KIAA0825: variants seen among roughly 807,000 people sequenced by gnomAD.
The protein encoded by KIAA0825 is KIAA0825, also known as uncharacterized protein KIAA0825.
KIAA0825 carries 119 observed loss-of-function variants against 147.6 expected under a neutral mutation model. The observed-to-expected ratio is 0.81, with a 90% CI of 0.69 to 0.94. KIAA0825 has a LOEUF of 0.94. Among genes scored for constraint, KIAA0825 ranks in the 40% least tolerant of loss-of-function variants. KIAA0825 has a pLI of 0.00. For missense variants in KIAA0825, 1,381 were observed against 1,472.7 expected (o/e 0.94, Z 1.02); for synonymous variants, 470 against 518.1 (o/e 0.91, Z 1.26).
intron 15 of KIAA0825, chr5:94,416,340 G>T (rs1753456993): frequency 6.6e-6 from 1 of 152,130 alleles, no homozygotes; most frequent in Admixed American, 6.6e-5. Context: ...AGTCTGGGAG[G>T]AGTGAAACCA....
intron 6 of KIAA0825, among the ~76,000 whole-genome samples, chr5:94,482,988 T>A (rs1446959239): frequency 6.6e-6 from 1 of 152,044 alleles, no homozygotes; most frequent in Non-Finnish European, 1.5e-5. Flanking sequence ...GCAAATTATG[T>A]ATTTGCTCTG....
chr5:94,448,680 C>G (rs1408499183), intron 13 of KIAA0825, among the ~76,000 whole-genome samples: 1 of 152,046 alleles, frequency 6.6e-6, no homozygotes, highest in African/African-American at 2.4e-5. Flanking sequence ...TCATCCAATT[C>G]CTGTATTTCC....
At chr5:94,615,315 A>G (rs981502904) in intron 1 of KIAA0825, among the ~76,000 whole-genome samples, 20 of 152,318 alleles carry the variant, frequency 1.3e-4, no homozygotes, top group Non-Finnish European at 2.8e-4. Flanking sequence ...TCAAACTCCT[A>G]TATGTTATAG....
At chr5:94,432,583 A>ACC (rs1424072840) in intron 14 of KIAA0825, among the ~76,000 whole-genome samples, 2 of 147,396 alleles carry the variant, frequency 1.4e-5, no homozygotes, top group Non-Finnish European at 3.0e-5. Context: ...TTAGTAAAGA[A>ACC]AGTGACAAAA....
chr5:94,537,312 T>G (rs1304827403), intron 2 of KIAA0825, among the ~76,000 whole-genome samples, 185 bp from the exon 3 acceptor site: 2 of 152,310 alleles, frequency 1.3e-5, no homozygotes, highest in Non-Finnish European at 2.9e-5. Flanking sequence ...TGTTTCATTA[T>G]TTAAATTTCA....
intron 5 of KIAA0825, chr5:94,519,307 A>G: frequency 1.1e-6 from 1 of 904,970 alleles, no homozygotes; most frequent in Non-Finnish European, 1.3e-6. Context: ...AAAGATCCAT[A>G]ATTCACCAAA....
At chr5:94,495,324 T>C (rs1202747175) in intron 5 of KIAA0825, among the ~76,000 whole-genome samples, 1 of 152,170 alleles carries the variant, frequency 6.6e-6, no homozygotes, top group Non-Finnish European at 1.5e-5. Flanking sequence ...TCCTAAACAA[T>C]AGTTATTCAG....
chr5:94,404,691 T>C (rs1169231023), intron 15 of KIAA0825, among the ~76,000 whole-genome samples: 2 of 152,208 alleles, frequency 1.3e-5, no homozygotes, highest in East Asian at 3.8e-4. Flanking sequence ...CAAATGATAA[T>C]AATTTTTATT....
At position 94,545,810 on chromosome 5, in the gene KIAA0825, C is replaced by A. The variant is rs140909679; in HGVS notation, c.-1-8683G>T. Among the ~76,000 whole-genome samples the A allele has an allele frequency of 2.1e-3, 314 of 152,328 alleles. 2 individuals carry two copies. Among genetic ancestry groups the A allele is most frequent in the African/African-American group, 7.3e-3 (305 of 41,574 alleles). Reference sequence around the variant, plus strand: ...CAGCTGTGATGACTATGGTGAAAGACTCCTGCTTGAGAAAAACAGGGGGAA... The same window carrying A: ...CAGCTGTGATGACTATGGTGAAAGAATCCTGCTTGAGAAAAACAGGGGGAA... On this transcript the variant is annotated intron_variant, in intron 2 of 20. Transcript: ENST00000682413.
intron 15 of KIAA0825, among the ~76,000 whole-genome samples, chr5:94,410,440 G>C (rs1752614784): frequency 6.6e-6 from 1 of 152,054 alleles, no homozygotes; most frequent in African/African-American, 2.4e-5. Context: ...AAGAATGGCT[G>C]AAAAGTTTTC....
chr5:94,278,692 A>G (rs1777327603), intron 20 of KIAA0825, among the ~76,000 whole-genome samples: 1 of 152,170 alleles, frequency 6.6e-6, no homozygotes, highest in Admixed American at 6.6e-5. Context: ...GTGATTGGAA[A>G]TAACTTCTAT....
intron 20 of KIAA0825, among the ~76,000 whole-genome samples, chr5:94,205,268 C>CATATATATATATATATATATATATAT (rs5869623): frequency 1.0e-4 from 9 of 90,282 alleles, no homozygotes; most frequent in Non-Finnish European, 1.8e-4. Flanking sequence ...ACTATTTAAT[C>CATATATATATATATATATATATATAT]ATATATATAT....
intron 20 of KIAA0825, among the ~76,000 whole-genome samples, chr5:94,341,994 C>T (rs968012587): frequency 1.4e-4 from 22 of 152,046 alleles, no homozygotes; most frequent in African/African-American, 4.6e-4. Flanking sequence ...GAGATCGAGA[C>T]CATCCTGGCC....
chr5:94,516,180 T>C (rs894468890), intron 5 of KIAA0825, among the ~76,000 whole-genome samples: 17 of 152,176 alleles, frequency 1.1e-4, no homozygotes, highest in Non-Finnish European at 2.5e-4. Flanking sequence ...TACCTTATCA[T>C]AGAAAAATGG....
chr5:94,220,107 T>A (rs952172985), intron 20 of KIAA0825, among the ~76,000 whole-genome samples: 3 of 152,188 alleles, frequency 2.0e-5, no homozygotes, highest in African/African-American at 7.2e-5. Context: ...TTCTATAAGC[T>A]TTTTTCCTAT....
intron 2 of KIAA0825, among the ~76,000 whole-genome samples, chr5:94,581,975 T>C (rs1782272055): frequency 6.6e-6 from 1 of 152,242 alleles, no homozygotes. Context: ...TGCTTTCAAC[T>C]TGTTTAGACA....
At chr5:94,502,784 T>C (rs1765237008) in intron 5 of KIAA0825, among the ~76,000 whole-genome samples, 1 of 152,154 alleles carries the variant, frequency 6.6e-6, no homozygotes. Flanking sequence ...AAGTGTACCC[T>C]ATAATAAACT....
intron 1 of KIAA0825, among the ~76,000 whole-genome samples, chr5:94,613,371 A>T (rs1391908841): frequency 6.6e-6 from 1 of 151,802 alleles, no homozygotes; most frequent in Non-Finnish European, 1.5e-5. Flanking sequence ...TAATTTTTGT[A>T]TTTTTTTGGT....
chr5:94,562,881 CTTAAA>C (rs940233232), intron 2 of KIAA0825, among the ~76,000 whole-genome samples: 2 of 152,154 alleles, frequency 1.3e-5, no homozygotes, highest in African/African-American at 4.8e-5. Flanking sequence ...GGAGAAACTA[CTTAAA>C]TTAAGTGCTT....
Sources: gnomAD v4.1 joint callset for allele counts (sites outside exome capture counted in the v4.1 genomes callset) on GRCh38, gnomAD v4.1.1 for gene constraint, MANE v1.5 for transcripts, NCBI Gene and HGNC (gene_info 2026-07-23, HGNC 2026-07-21) for gene names.